Variants in MMP26 observed in about 807,000 individuals in gnomAD.
The protein encoded by MMP26 is matrix metallopeptidase 26.
A neutral mutation model predicts 31.0 loss-of-function variants in MMP26; 33 were observed. The ratio of observed to expected loss-of-function variants is 1.06; its 90% CI spans 0.81 to 1.42. The LOEUF is 1.42. Ranked by LOEUF, MMP26 falls within the 40% of genes most tolerant of loss-of-function variation. The pLI is 0.00. For synonymous variants in MMP26, 122 were observed against 114.9 expected (o/e 1.06, Z -0.40); for missense variants, 347 against 316.1 (o/e 1.10, Z -0.74).
At chr11:4,792,348 C>T (rs1231680869) in intron 2 of MMP26, among the ~76,000 whole-genome samples, 2 of 152,112 alleles carry the variant, frequency 1.3e-5, no homozygotes, top group South Asian at 2.1e-4. Context: ...TTTAACGGGC[C>T]TAAGTACAAA....
chr11:4,940,746 G>A (rs1846195080), intron 2 of MMP26, among the ~76,000 whole-genome samples: 2 of 152,140 alleles, frequency 1.3e-5, no homozygotes, highest in Non-Finnish European at 2.9e-5. Context: ...AGAGAAAACT[G>A]CATGTGATCA....
chr11:4,957,781 C>T (rs949521610), intron 2 of MMP26, among the ~76,000 whole-genome samples: 1 of 151,830 alleles, frequency 6.6e-6, no homozygotes, highest in Non-Finnish European at 1.5e-5. Context: ...TAGGTTCAAG[C>T]GATTCTCCTG....
intron 2 of MMP26, among the ~76,000 whole-genome samples, chr11:4,792,589 A>ATT (rs1849043007): frequency 6.6e-6 from 1 of 152,200 alleles, no homozygotes; most frequent in Non-Finnish European, 1.5e-5. Flanking sequence ...ATAAGAGAAC[A>ATT]CACACCCCTC....
chr11:4,713,675 C>G (rs1221724392), intron 1 of MMP26, among the ~76,000 whole-genome samples: 2 of 151,844 alleles, frequency 1.3e-5, no homozygotes, highest in African/African-American at 2.4e-5. Flanking sequence ...TTTTGGGGGG[C>G]ATAGAGTGAA....
chr11:4,975,373 T>C (rs1457073252), intron 2 of MMP26, among the ~76,000 whole-genome samples: 1 of 152,032 alleles, frequency 6.6e-6, no homozygotes, highest in East Asian at 1.9e-4. Context: ...TGAAGGCTTT[T>C]TGTGCCTGTT....
chr11:4,914,892 T>G, intron 2 of MMP26: 1 of 1,613,798 alleles, frequency 6.2e-7, no homozygotes, highest in Non-Finnish European at 8.5e-7. Flanking sequence ...ATCATGGGAG[T>G]GTAGAAGAGC....
intron 2 of MMP26, among the ~76,000 whole-genome samples, chr11:4,883,235 CA>C (rs1392634320): frequency 4.8e-4 from 29 of 60,686 alleles, no homozygotes; most frequent in Admixed American, 3.5e-3. Context: ...TCCAGCTGAA[CA>C]ATTTTTTTTT....
intron 2 of MMP26, among the ~76,000 whole-genome samples, chr11:4,961,553 T>C (rs1401288545): frequency 6.6e-6 from 1 of 152,208 alleles, no homozygotes; most frequent in African/African-American, 2.4e-5. Context: ...TTGGCAACCA[T>C]AAGCATCTCC....
At chr11:4,735,098 C>T (rs1280112559) in intron 1 of MMP26, among the ~76,000 whole-genome samples, 3 of 152,162 alleles carry the variant, frequency 2.0e-5, no homozygotes, top group African/African-American at 7.2e-5. Context: ...GGAGAAAGCC[C>T]TGTGTTCTTG....
chr11:4,935,476 G>T (rs1851425051), intron 2 of MMP26, among the ~76,000 whole-genome samples: 1 of 150,402 alleles, frequency 6.6e-6, no homozygotes, highest in South Asian at 2.1e-4. Context: ...GAGATTTTGG[G>T]CTGAGACAAT....
At chr11:4,806,027 A>G (rs1248260551) in intron 2 of MMP26, among the ~76,000 whole-genome samples, 1 of 151,932 alleles carries the variant, frequency 6.6e-6, no homozygotes, top group Non-Finnish European at 1.5e-5. Flanking sequence ...GAACTAATAC[A>G]TGTCTCATTC....
intron 2 of MMP26, among the ~76,000 whole-genome samples, chr11:4,880,076 GGTTTGGGGGTAA>G (rs1174531735): frequency 6.6e-6 from 1 of 152,082 alleles, no homozygotes; most frequent in African/African-American, 2.4e-5. Flanking sequence ...CTGGGAGCAG[GGTTTGGGGGTAA>G]GTCTCGGAGA....
chr11:4,766,151 T>G (rs1848626020), intron 1 of MMP26, among the ~76,000 whole-genome samples: 1 of 152,224 alleles, frequency 6.6e-6, no homozygotes, highest in Non-Finnish European at 1.5e-5. Context: ...TGCTTGCTAA[T>G]TTTTGCTATT....
intron 2 of MMP26, among the ~76,000 whole-genome samples, chr11:4,861,855 A>G (rs919380892): frequency 6.6e-6 from 1 of 151,864 alleles, no homozygotes; most frequent in African/African-American, 2.4e-5. Flanking sequence ...CTCAAGCAAA[A>G]CTCCTTTAAG....
intron 2 of MMP26, among the ~76,000 whole-genome samples, chr11:4,842,486 A>C (rs1201428531): frequency 6.6e-6 from 1 of 152,228 alleles, no homozygotes; most frequent in Non-Finnish European, 1.5e-5. Context: ...TCACGTCTTC[A>C]CATGGTGACG....
chr11:4,752,122 C>A (rs1202090100), intron 1 of MMP26: 2 of 151,894 alleles, frequency 1.3e-5, no homozygotes, highest in African/African-American at 4.8e-5. Flanking sequence ...GGATTCATCA[C>A]AGAGGGGATG....
At chr11:4,783,545 C>G (rs66751800) in intron 2 of MMP26, among the ~76,000 whole-genome samples, 2 of 151,970 alleles carry the variant, frequency 1.3e-5, no homozygotes, top group African/African-American at 4.8e-5. Flanking sequence ...TGAGTTGATG[C>G]TGAAATGAGC....
intron 1 of MMP26, chr11:4,723,541 T>G: frequency 8.3e-7 from 1 of 1,202,368 alleles, no homozygotes; most frequent in Non-Finnish European, 1.2e-6. Context: ...AGTCAGCCCT[T>G]CCAGGAGAGA....
At chr11:4,867,748 G>A (rs1390888589) in intron 2 of MMP26, among the ~76,000 whole-genome samples, 2 of 152,070 alleles carry the variant, frequency 1.3e-5, no homozygotes, top group Non-Finnish European at 2.9e-5. Context: ...AACAACAGAT[G>A]CTGGCAAGGT....
Sources: gnomAD v4.1 joint callset for allele counts (sites outside exome capture counted in the v4.1 genomes callset) on GRCh38, gnomAD v4.1.1 for gene constraint, MANE v1.5 for transcripts, NCBI Gene and HGNC (gene_info 2026-07-23, HGNC 2026-07-21) for gene names.